Variants in CIPC observed in about 807,000 individuals in gnomAD.
CIPC encodes the protein CLOCK-interacting pacemaker.
CIPC carries 12 observed loss-of-function variants against 26.7 expected under a neutral mutation model. That is an observed-to-expected ratio of 0.45 (90% CI 0.29 to 0.73). CIPC has a LOEUF of 0.73. Among genes scored for constraint, CIPC ranks in the 30% least tolerant of loss-of-function variants. The pLI is 0.12. For synonymous variants in CIPC, 170 were observed against 189.8 expected, an observed-to-expected ratio of 0.90 and a Z score of 0.86; for missense variants, 417 against 486.5, an observed-to-expected ratio of 0.86 and a Z score of 1.34.
rs1013739348 is a variant in CIPC, at chr14:77,115,208, G to A, written c.*890G>A. The A allele has an allele frequency of 6.0e-5, 9 of 150,758 alleles. No individual in the cohort carries two copies. The South Asian group carries it at 1.9e-3, about 32-fold the overall frequency. 9.3% of individuals were successfully genotyped at this position (150,758 alleles called of 1,614,324 possible). On this transcript the variant is annotated 3_prime_UTR_variant, in exon 4 of 4. Coordinates refer to ENST00000361786, the MANE Select transcript of CIPC (RefSeq NM_033426.3). The stretch of plus-strand genomic sequence containing the variant: ...TTAAGGATAGTTTCAGTGGTTCCTG[G>A]GATGTAGTATAAGTTAACTCTGCTG...
Position 77,105,758 on chromosome 14 carries a change from A to C in CIPC, c.50A>C (p.Lys17Thr). The C allele has an allele frequency of 6.2e-7, 1 of 1,614,138 alleles. No homozygotes were observed. The highest frequency in any genetic ancestry group is 8.5e-7 in the Non-Finnish European group (1 of 1,179,984). The change falls in exon 2 of 4, where the codon AAA (lysine) becomes ACA (threonine). Residue 17 changes from lysine to threonine, a missense_variant. Coordinates refer to ENST00000361786, the MANE Select transcript of CIPC (RefSeq NM_033426.3). ...GAGAGCCCCAGAAGACTCTCTGCCA[A>C]AGTAGGCAAAGGCACAGAGATGAAG... Reference protein sequence around the residue: ...SRESPRRLSAKVGKGTEMKKV... With the variant: ...SRESPRRLSATVGKGTEMKKV...
At chr14:77,101,534 C>G (rs1287793105) in intron 1 of CIPC, among the ~76,000 whole-genome samples, 1 of 152,208 alleles carries the variant, frequency 6.6e-6, no homozygotes, top group Non-Finnish European at 1.5e-5. Flanking sequence ...TCCCCAGGAT[C>G]TAAATTTAGC....
At chr14:77,099,254 T>C (rs547953786) in intron 1 of CIPC, 92 of 152,386 alleles carry the variant, frequency 6.0e-4, no homozygotes, top group Middle Eastern at 3.4e-3. Context: ...TCGGAGAAAG[T>C]TCTCTAAGCT....
At position 77,116,450 on chromosome 14, in the gene CIPC, AAAATCTG is replaced by A. The variant is rs1162405240; in HGVS notation, c.*2136_*2142del. 1 of 152,218 alleles carries A rather than the reference AAAATCTG, an allele frequency of 6.6e-6. No homozygotes were observed. Among genetic ancestry groups the A allele is most frequent in the Non-Finnish European group, 1.5e-5 (1 of 68,036 alleles). The allele number at this position is 152,218 out of a possible 1,614,324, so 9.4% of individuals were successfully genotyped here. A position where few individuals can be genotyped will look rare whatever the true frequency, so the allele number is the denominator to read the frequency against. On this transcript the variant is annotated 3_prime_UTR_variant, in exon 4 of 4. Transcript: ENST00000361786. ...ACCAGTCATGAGTCTTACTGTGTCA[AAAATCTG>A]AAAACACTTGCTGAGAACCAAATTT...
At chr14:77,099,035 T>A (rs1733321229) in intron 1 of CIPC, 1 of 152,662 alleles carries the variant, frequency 6.6e-6, no homozygotes, top group Admixed American at 6.5e-5. Context: ...GCTCAAGTCC[T>A]GGCAGTATGC....
chr14:77,108,802 A>G (rs1390892883), intron 2 of CIPC, among the ~76,000 whole-genome samples: 4 of 152,156 alleles, frequency 2.6e-5, no homozygotes, highest in African/African-American at 9.7e-5. Flanking sequence ...AGTATCACTA[A>G]TGTAGTCATG....
chr14:77,108,561 C>G (rs1250879673), intron 2 of CIPC, among the ~76,000 whole-genome samples: 1 of 152,060 alleles, frequency 6.6e-6, no homozygotes, highest in Non-Finnish European at 1.5e-5. Flanking sequence ...CGTGATGGTG[C>G]ATTCCTGTAA....
In CIPC at chr14:77,100,789, G is replaced by T. The variant is rs550939091; in HGVS notation, c.-53+2428G>T. Among the ~76,000 whole-genome samples the T allele has an allele frequency of 4.0e-5, 6 of 151,488 alleles. No individual in the cohort carries two copies. The East Asian group carries it at 1.2e-3, about 30-fold the overall frequency. On this transcript the variant is annotated intron_variant, in intron 1 of 3. Coordinates refer to ENST00000361786, the MANE Select transcript of CIPC (RefSeq NM_033426.3). ...TCACCATGTTGGCCAGGCTGGTCTC[G>T]AACTCCTGACCTCAGGTGATCCATC...
intron 2 of CIPC, 37 bp downstream of exon 2, chr14:77,105,881 G>T: frequency 6.2e-7 from 1 of 1,607,538 alleles, no homozygotes; most frequent in South Asian, 1.1e-5. Flanking sequence ...TTTTGTGAGT[G>T]AATGCTTTGC....
At chr14:77,109,077 C>A (rs1886645305) in intron 2 of CIPC, among the ~76,000 whole-genome samples, 1 of 152,104 alleles carries the variant, frequency 6.6e-6, no homozygotes, top group South Asian at 2.1e-4. Context: ...ATTTAGAAAC[C>A]AAGATCTGGG....
In CIPC at chr14:77,114,991, C is replaced by T. The variant is rs1886782110; in HGVS notation, c.*673C>T. 6.6e-6 allele frequency: 1 copy of T among 152,166 alleles called. No homozygotes were observed. 9.4% of individuals were successfully genotyped at this position (152,166 alleles called of 1,614,324 possible). On this transcript the variant is annotated 3_prime_UTR_variant, in exon 4 of 4. Transcript: ENST00000361786. Reference sequence around the variant, plus strand: ...AAACTAGCAGGCAAAAACAGTACTTCCAAATTTTAAGGTATGGAATGAATG... The same window carrying T: ...AAACTAGCAGGCAAAAACAGTACTTTCAAATTTTAAGGTATGGAATGAATG...
At chr14:77,108,031 C>G (rs1161071408) in intron 2 of CIPC, among the ~76,000 whole-genome samples, 1 of 152,042 alleles carries the variant, frequency 6.6e-6, no homozygotes. Flanking sequence ...TTGAATGAGT[C>G]AGGCCTGTTG....
At chr14:77,100,535 G>T (rs1340645575) in intron 1 of CIPC, among the ~76,000 whole-genome samples, 3 of 147,618 alleles carry the variant, frequency 2.0e-5, no homozygotes, top group Non-Finnish European at 4.5e-5. Flanking sequence ...GAGCCACCTT[G>T]CCTGGCTCTG....
intron 2 of CIPC, among the ~76,000 whole-genome samples, chr14:77,108,584 G>A (rs1442706011): frequency 1.3e-5 from 2 of 151,986 alleles, no homozygotes; most frequent in Admixed American, 6.6e-5. Flanking sequence ...CCAGCTGCTC[G>A]GGAGGCTGAG....
At position 77,115,262 on chromosome 14, in the gene CIPC, T is replaced by C. The variant is rs528872443; in HGVS notation, c.*944T>C. 1 of 152,066 alleles carries C rather than the reference T, an allele frequency of 6.6e-6. No individual in the cohort carries two copies. 9.4% of individuals were successfully genotyped at this position (152,066 alleles called of 1,614,324 possible). A position where few individuals can be genotyped will look rare whatever the true frequency, so the allele number is the denominator to read the frequency against. On this transcript the variant is annotated 3_prime_UTR_variant, in exon 4 of 4. Coordinates refer to ENST00000361786, the MANE Select transcript of CIPC (RefSeq NM_033426.3). ...TCTTGTTTTTTTTTTTTTTCCTTTA[T>C]TTTGATAAGTGATTATTATGCTTGA...
intron 3 of CIPC, among the ~76,000 whole-genome samples, chr14:77,111,296 C>T (rs958821465): frequency 6.6e-6 from 1 of 152,190 alleles, no homozygotes; most frequent in African/African-American, 2.4e-5. Flanking sequence ...TCCAGCAGAG[C>T]CACATTCTTT....
chr14:77,107,618 C>T (rs938182807), intron 2 of CIPC, among the ~76,000 whole-genome samples: 7 of 136,922 alleles, frequency 5.1e-5, no homozygotes, highest in South Asian at 4.8e-4. Context: ...TTCTCTCTCT[C>T]GCTCTCTTTA....
At position 77,114,835 on chromosome 14, in the gene CIPC, T is replaced by TTTTTAATGATA; in HGVS notation, c.*517_*518insTTTTAATGATA. On this transcript the variant is annotated 3_prime_UTR_variant, in exon 4 of 4. Transcript: ENST00000361786. ...GTACTAGTTGGGCGAGACCTAAAAT[T>TTTTTAATGATA]CCCTGGGCACAGGTTGCACCTGGGT... 6.4e-6 allele frequency: 1 copy of TTTTTAATGATA among 155,084 alleles called. No individual in the cohort carries two copies. Among genetic ancestry groups the TTTTTAATGATA allele is most frequent in the Non-Finnish European group, 1.4e-5 (1 of 69,738 alleles). The allele number at this position is 155,084 out of a possible 1,614,324, so 9.6% of individuals were successfully genotyped here.
rs1260559166 is a variant in CIPC, at chr14:77,110,119, C to G, written c.306+138C>G. The stretch of plus-strand genomic sequence containing the variant: ...TTAGAACCACACCAATGTGTACTTT[C>G]TGTCCTGGGGAGCGGATGTTATCTT... On this transcript the variant is annotated intron_variant, in intron 3 of 3. Coordinates refer to ENST00000361786, the MANE Select transcript of CIPC (RefSeq NM_033426.3). 4 of 770,944 alleles carry G rather than the reference C, an allele frequency of 5.2e-6. No homozygotes were observed. The African/African-American group carries it at 5.2e-5, about 10-fold the overall frequency. 47.8% of individuals were successfully genotyped at this position (770,944 alleles called of 1,614,324 possible). A position where few individuals can be genotyped will look rare whatever the true frequency, so the allele number is the denominator to read the frequency against.
Sources: allele counts gnomAD v4.1 joint callset (sites outside exome capture counted in the v4.1 genomes callset), GRCh38; gene constraint gnomAD v4.1.1; transcripts MANE v1.5; gene names NCBI Gene and HGNC (gene_info 2026-07-23, HGNC 2026-07-21).